The following FOXP2 variants were observed in gnomAD, a reference collection of about 807,000 sequenced individuals.
The protein encoded by FOXP2 is forkhead box protein P2.
A neutral mutation model predicts 115.8 loss-of-function variants in FOXP2; 12 were observed. That is an observed-to-expected ratio of 0.10 (90% CI 0.07 to 0.17). The LOEUF is 0.17. FOXP2 is among the 10% of genes least tolerant of loss of function. FOXP2 has a pLI of 1.00. For missense variants in FOXP2, 629 were observed against 843.5 expected, an observed-to-expected ratio of 0.75 and a Z score of 3.15; for synonymous variants, 328 against 297.7, an observed-to-expected ratio of 1.10 and a Z score of -1.05.
chr7:114,278,584 C>A lies in FOXP2; in HGVS notation c.-101-9435C>A, dbSNP rs546004475. Among the ~76,000 whole-genome samples, 229 of 152,258 alleles carry A rather than the reference C, an allele frequency of 1.5e-3. 1 individual carries two copies. The highest frequency in any genetic ancestry group is 3.4e-3 in the Middle Eastern group (1 of 294). ...GGCCAGGCTGGTCTTGAACTCCTGA[C>A]CTCAGGTGATCCACCCACCTCGGCT... On this transcript the variant is annotated intron_variant, in intron 1 of 17. Transcript: ENST00000634411.
intron 16 of FOXP2, among the ~76,000 whole-genome samples, chr7:114,687,418 A>G (rs1808424538): frequency 6.6e-6 from 1 of 152,202 alleles, no homozygotes; most frequent in Non-Finnish European, 1.5e-5. Context: ...CATAGTACAC[A>G]TTTATTTCTG....
At position 114,439,723 on chromosome 7, in the gene FOXP2, G is replaced by T. The variant is rs778489830; in HGVS notation, c.168+13044G>T. 3.3e-5 allele frequency among the ~76,000 whole-genome samples: 5 copies of T among 151,486 alleles called. No homozygotes were observed. The East Asian group carries it at 5.8e-4, about 18-fold the overall frequency. Reference sequence around the variant, plus strand: ...CCACGCCTAGCTCCTAATTTTTTTTGTGTGTATATAGATGTGTGTGTGTGT... The same window carrying T: ...CCACGCCTAGCTCCTAATTTTTTTTTTGTGTATATAGATGTGTGTGTGTGT... On this transcript the variant is annotated intron_variant, in intron 2 of 16. Coordinates refer to ENST00000350908, the MANE Select transcript of FOXP2 (RefSeq NM_014491.4).
At chr7:114,588,380 T>G (rs989252004) in intron 3 of FOXP2, among the ~76,000 whole-genome samples, 2 of 152,088 alleles carry the variant, frequency 1.3e-5, no homozygotes, top group African/African-American at 2.4e-5. Flanking sequence ...AATGCCTGCA[T>G]GTTTAAAAGT....
At chr7:114,251,974 T>C (rs1464567507) in intron 1 of FOXP2, among the ~76,000 whole-genome samples, 1 of 152,216 alleles carries the variant, frequency 6.6e-6, no homozygotes, top group Non-Finnish European at 1.5e-5. Flanking sequence ...CATCAATACC[T>C]AATTTATTGA....
intron 1 of FOXP2, among the ~76,000 whole-genome samples, chr7:114,089,568 T>G (rs1483249973): frequency 6.6e-6 from 1 of 152,008 alleles, no homozygotes; most frequent in Non-Finnish European, 1.5e-5. Context: ...CATTATGATA[T>G]GAAGAGATTT....
chr7:114,114,054 G>A (rs761284477), intron 1 of FOXP2, among the ~76,000 whole-genome samples: 12 of 151,418 alleles, frequency 7.9e-5, no homozygotes, highest in Non-Finnish European at 1.3e-4. Flanking sequence ...ATATGAAGTA[G>A]AAAATAAAAT....
intron 1 of FOXP2, among the ~76,000 whole-genome samples, chr7:114,198,214 T>C (rs1382586044): frequency 6.6e-6 from 1 of 152,108 alleles, no homozygotes; most frequent in African/African-American, 2.4e-5. Flanking sequence ...TCAGTAACTA[T>C]AAGTACATCT....
chr7:114,570,697 C>T (rs1801254606), intron 3 of FOXP2: 4 of 808,638 alleles, frequency 4.9e-6, no homozygotes, highest in Non-Finnish European at 8.6e-6. Flanking sequence ...TTTTGACCTA[C>T]CAAGATAATA....
intron 2 of FOXP2, among the ~76,000 whole-genome samples, chr7:114,432,888 T>C (rs1019762199): frequency 2.1e-4 from 32 of 152,012 alleles, no homozygotes; most frequent in African/African-American, 7.5e-4. Flanking sequence ...ATTGTTCTAT[T>C]ATCATCCACA....
chr7:114,512,813 G>T (rs1798139352), intron 2 of FOXP2, among the ~76,000 whole-genome samples: 1 of 152,130 alleles, frequency 6.6e-6, no homozygotes, highest in Non-Finnish European at 1.5e-5. Flanking sequence ...GCTGGGTGTG[G>T]TGACTCACAC....
intron 16 of FOXP2, among the ~76,000 whole-genome samples, chr7:114,678,500 G>A (rs1021925455): frequency 2.1e-5 from 3 of 139,582 alleles, no homozygotes; most frequent in Admixed American, 1.5e-4. Flanking sequence ...CTTTTAAAAA[G>A]CCCTACATGC....
intron 1 of FOXP2, among the ~76,000 whole-genome samples, chr7:114,103,537 G>A (rs2129141074): frequency 6.6e-6 from 1 of 151,994 alleles, no homozygotes; most frequent in East Asian, 1.9e-4. Flanking sequence ...ATTTCAGCTG[G>A]GGGAAATGGG....
chr7:114,176,232 TTTTC>T (rs1342112797), intron 1 of FOXP2, among the ~76,000 whole-genome samples: 1 of 146,680 alleles, frequency 6.8e-6, no homozygotes, highest in Non-Finnish European at 1.5e-5. Flanking sequence ...TTGTCTTGTC[TTTTC>T]TTTCTTTCTT....
intron 1 of FOXP2, among the ~76,000 whole-genome samples, chr7:114,268,700 C>CTGTG (rs61371412): frequency 0.011 from 1,624 of 148,094 alleles, 30 homozygotes; most frequent in Admixed American, 0.043. Context: ...ATACTCCCCA[C>CTGTG]TGTGTGTGTG....
At chr7:114,251,277 T>C (rs1200435802) in intron 1 of FOXP2, among the ~76,000 whole-genome samples, 2 of 152,150 alleles carry the variant, frequency 1.3e-5, no homozygotes, top group South Asian at 2.1e-4. Flanking sequence ...CTTGGCAATG[T>C]GGGCTCTTTT....
intron 2 of FOXP2, among the ~76,000 whole-genome samples, chr7:114,343,112 G>T (rs778440763): frequency 6.6e-6 from 1 of 151,498 alleles, no homozygotes; most frequent in Non-Finnish European, 1.5e-5. Context: ...AGTATTGTCT[G>T]TATGAATGCC....
At chr7:114,440,884 A>T (rs1020585669) in intron 2 of FOXP2, among the ~76,000 whole-genome samples, 4 of 152,172 alleles carry the variant, frequency 2.6e-5, no homozygotes, top group African/African-American at 9.6e-5. Flanking sequence ...ATAGAACCAA[A>T]AAAAGAAGAG....
intron 2 of FOXP2, among the ~76,000 whole-genome samples, chr7:114,297,826 T>G (rs1390822792): frequency 6.6e-6 from 1 of 152,222 alleles, no homozygotes; most frequent in Non-Finnish European, 1.5e-5. Flanking sequence ...ACAGAGAGGT[T>G]GTCACATTGT....
At chr7:114,319,127 GC>G (rs1386849388) in intron 2 of FOXP2, among the ~76,000 whole-genome samples, 2 of 133,230 alleles carry the variant, frequency 1.5e-5, no homozygotes, top group Non-Finnish European at 3.1e-5. Context: ...TGGTGAATGG[GC>G]TAATGCCTAT....
Sources: allele counts gnomAD v4.1 joint callset (sites outside exome capture counted in the v4.1 genomes callset), GRCh38; gene constraint gnomAD v4.1.1; transcripts MANE v1.5; gene names NCBI Gene and HGNC (gene_info 2026-07-23, HGNC 2026-07-21).